The following PTPRD variants were observed in gnomAD, a reference collection of about 807,000 sequenced individuals.
PTPRD encodes the protein receptor-type tyrosine-protein phosphatase delta.
A neutral mutation model predicts 214.5 loss-of-function variants in PTPRD; 34 were observed. That is an observed-to-expected ratio of 0.16 (90% CI 0.12 to 0.21). PTPRD has a LOEUF of 0.21. Ranked by LOEUF, PTPRD falls within the 10% of genes least tolerant of loss-of-function variation. The pLI is 1.00. For synonymous variants in PTPRD, 1,128 were observed against 845.7 expected, an observed-to-expected ratio of 1.33 and a Z score of -5.79; for missense variants, 2,545 against 2,398.7, an observed-to-expected ratio of 1.06 and a Z score of -1.27.
At position 8,935,556 on chromosome 9, in the gene PTPRD, T is replaced by C. The variant is rs114656022; in HGVS notation, c.-104+83141A>G. Among the ~76,000 whole-genome samples, 428 of 152,210 alleles carry C rather than the reference T, an allele frequency of 2.8e-3. 2 individuals are homozygous for C. The highest frequency in any genetic ancestry group is 1.0e-2 in the African/African-American group (415 of 41,540). On this transcript the variant is annotated intron_variant, in intron 11 of 45. Transcript: ENST00000381196. Reference sequence around the variant, plus strand: ...ACCTTTTTTCATGCCTTCACAAACATACTAAATAGATCCCGAGGAAGCCTA... The same window carrying C: ...ACCTTTTTTCATGCCTTCACAAACACACTAAATAGATCCCGAGGAAGCCTA...
intron 11 of PTPRD, among the ~76,000 whole-genome samples, chr9:9,014,115 T>C (rs961879178): frequency 2.0e-5 from 3 of 152,086 alleles, no homozygotes; most frequent in African/African-American, 7.2e-5. Context: ...CAGAGAGGAA[T>C]AGTATCTGTT....
intron 4 of PTPRD, among the ~76,000 whole-genome samples, chr9:10,024,947 A>G (rs866209004): frequency 6.6e-6 from 1 of 151,800 alleles, no homozygotes; most frequent in South Asian, 2.1e-4. Context: ...ATGTCCCTAC[A>G]AAGGACATGA....
At chr9:10,115,986 A>G (rs954649708) in intron 3 of PTPRD, among the ~76,000 whole-genome samples, 4 of 152,128 alleles carry the variant, frequency 2.6e-5, no homozygotes, top group African/African-American at 9.6e-5. Context: ...ATAGAAAAAA[A>G]GGAGAGATGA....
At chr9:10,470,087 T>C (rs939424106) in intron 2 of PTPRD, among the ~76,000 whole-genome samples, 3 of 152,122 alleles carry the variant, frequency 2.0e-5, no homozygotes, top group African/African-American at 7.2e-5. Flanking sequence ...TTAACAATGA[T>C]TTATTGTATA....
chr9:8,829,046 C>T (rs183867066), intron 11 of PTPRD, among the ~76,000 whole-genome samples: 1 of 152,274 alleles, frequency 6.6e-6, no homozygotes, highest in Admixed American at 6.5e-5. Flanking sequence ...CTGTTGAGAG[C>T]TTTCCAAATT....
intron 39 of PTPRD, among the ~76,000 whole-genome samples, chr9:8,351,723 G>T (rs552663331): frequency 2.3e-5 from 3 of 130,882 alleles, no homozygotes; most frequent in African/African-American, 9.3e-5. Flanking sequence ...TTGTAGAGAG[G>T]AGACTGCTTG....
At chr9:9,437,566 T>A (rs2085818880) in intron 8 of PTPRD, among the ~76,000 whole-genome samples, 1 of 152,178 alleles carries the variant, frequency 6.6e-6, no homozygotes. Context: ...TAGTCCTGCT[T>A]GAGGGTTCTT....
rs530641074 is a variant in PTPRD at position 10,449,686 on chromosome 9, C to A, written c.-599-108669G>T. Reference sequence around the variant, plus strand: ...TGTGAGGAGCGCCTCTGCCCGGCCGCCCCGTCTGAGAAGTGAGGAGCCCCT... The same window carrying A: ...TGTGAGGAGCGCCTCTGCCCGGCCGACCCGTCTGAGAAGTGAGGAGCCCCT... On this transcript the variant is annotated intron_variant, in intron 2 of 45. Coordinates refer to ENST00000381196, the MANE Select transcript of PTPRD (RefSeq NM_002839.4). Among the ~76,000 whole-genome samples, 492 of 145,708 alleles carry A rather than the reference C, an allele frequency of 3.4e-3. 2 individuals are homozygous for A. The highest frequency in any genetic ancestry group is 4.1e-3 in the Non-Finnish European group (275 of 67,818).
intron 37 of PTPRD, among the ~76,000 whole-genome samples, chr9:8,387,003 T>C (rs2087333758): frequency 6.6e-6 from 1 of 152,114 alleles, no homozygotes; most frequent in Non-Finnish European, 1.5e-5. Context: ...CTCATGTGTA[T>C]TGTCAGATTG....
intron 7 of PTPRD, among the ~76,000 whole-genome samples, chr9:9,662,965 GCTCA>G (rs2096648497): frequency 6.6e-6 from 1 of 151,532 alleles, no homozygotes; most frequent in East Asian, 1.9e-4. Context: ...CATCAGTTGG[GCTCA>G]CTATTTTTCT....
chr9:9,805,138 G>A (rs1241715897), intron 5 of PTPRD, among the ~76,000 whole-genome samples: 1 of 151,920 alleles, frequency 6.6e-6, no homozygotes, highest in Non-Finnish European at 1.5e-5. Flanking sequence ...TGGGTTTTGG[G>A]GCCAGGCTTA....
intron 14 of PTPRD, among the ~76,000 whole-genome samples, chr9:8,555,995 G>T (rs2083628215): frequency 6.6e-6 from 1 of 152,140 alleles, no homozygotes; most frequent in South Asian, 2.1e-4. Flanking sequence ...AGGACAGATG[G>T]ATGTAAAAAA....
chr9:9,309,210 T>C (rs919530679), intron 9 of PTPRD, among the ~76,000 whole-genome samples: 1 of 151,958 alleles, frequency 6.6e-6, no homozygotes, highest in African/African-American at 2.4e-5. Flanking sequence ...GCCTGAACTG[T>C]ATGTTTTTGT....
intron 33 of PTPRD, among the ~76,000 whole-genome samples, chr9:8,451,174 T>C (rs1323744779): frequency 6.6e-6 from 1 of 152,210 alleles, no homozygotes; most frequent in Non-Finnish European, 1.5e-5. Flanking sequence ...GACGTGCACA[T>C]GATTTGCTCA....
intron 2 of PTPRD, among the ~76,000 whole-genome samples, chr9:10,573,325 T>C (rs374551879): frequency 2.6e-5 from 4 of 152,306 alleles, no homozygotes; most frequent in African/African-American, 7.2e-5. Flanking sequence ...TGCGCATGAA[T>C]ACAAGTTCCC....
chr9:9,912,025 G>T (rs888044499), intron 5 of PTPRD, among the ~76,000 whole-genome samples: 1 of 151,812 alleles, frequency 6.6e-6, no homozygotes, highest in African/African-American at 2.4e-5. Flanking sequence ...TGTCAATCAA[G>T]AATAAGAAAA....
At chr9:9,978,215 G>T (rs936945003) in intron 4 of PTPRD, among the ~76,000 whole-genome samples, 1 of 152,010 alleles carries the variant, frequency 6.6e-6, no homozygotes, top group African/African-American at 2.4e-5. Context: ...ATAATCAATA[G>T]AACTGGACTC....
rs182227485 is a variant in PTPRD, at chr9:8,736,982, A to T, written c.-103-3036T>A. Among the ~76,000 whole-genome samples, 7 of 152,294 alleles carry T rather than the reference A, an allele frequency of 4.6e-5. No individual in the cohort carries two copies. In the East Asian group the frequency reaches 9.7e-4, roughly 21 times the overall value. ...ATTTCAAATGACAGCAAAGTCCAGGAGACATCAGTCCTGTCGGACTCAATT... is the reference window on the plus strand; with the variant it reads ...ATTTCAAATGACAGCAAAGTCCAGGTGACATCAGTCCTGTCGGACTCAATT... On this transcript the variant is annotated intron_variant, in intron 11 of 45. Transcript: ENST00000381196.
intron 7 of PTPRD, among the ~76,000 whole-genome samples, chr9:9,716,090 G>A (rs1342960743): frequency 6.6e-6 from 1 of 151,458 alleles, no homozygotes; most frequent in Admixed American, 6.6e-5. Context: ...ACCTATGAGT[G>A]AGAATATGCG....
Sources: gnomAD v4.1 joint callset for allele counts (sites outside exome capture counted in the v4.1 genomes callset) on GRCh38, gnomAD v4.1.1 for gene constraint, MANE v1.5 for transcripts, NCBI Gene and HGNC (gene_info 2026-07-23, HGNC 2026-07-21) for gene names.